CERS6: variants seen among roughly 807,000 people sequenced by gnomAD.
The protein encoded by CERS6 is ceramide synthase 6, also known as LAG1 homolog, ceramide synthase 6.
CERS6 carries 26 observed loss-of-function variants against 56.8 expected under a neutral mutation model. The observed-to-expected ratio is 0.46, with a 90% confidence interval of 0.34 to 0.63. CERS6 has a LOEUF of 0.63. CERS6 is among the 30% of genes least tolerant of loss of function. The pLI is 0.01. For missense variants in CERS6, 415 were observed against 467.5 expected, an observed-to-expected ratio of 0.89 and a Z score of 1.04; for synonymous variants, 164 against 173.3, an observed-to-expected ratio of 0.95 and a Z score of 0.42.
At chr2:168,518,081 G>C (rs184652833) in intron 1 of CERS6, among the ~76,000 whole-genome samples, 3 of 152,324 alleles carry the variant, frequency 2.0e-5, no homozygotes, top group African/African-American at 7.2e-5. Context: ...TCATAATTTA[G>C]TCATTGTTGT....
chr2:168,682,462 C>T (rs908947841), intron 4 of CERS6, among the ~76,000 whole-genome samples: 5 of 152,040 alleles, frequency 3.3e-5, no homozygotes, highest in Admixed American at 6.6e-5. Flanking sequence ...TTCTTGTAAC[C>T]GGATCTTAAC....
intron 1 of CERS6, among the ~76,000 whole-genome samples, chr2:168,501,150 CT>C (rs1012900831): frequency 6.6e-6 from 1 of 152,156 alleles, no homozygotes; most frequent in African/African-American, 2.4e-5. Flanking sequence ...TCGTTGTTGC[CT>C]TTTCTTTGAG....
At chr2:168,743,560 A>T (rs1254073659) in intron 8 of CERS6, among the ~76,000 whole-genome samples, 1 of 152,224 alleles carries the variant, frequency 6.6e-6, no homozygotes, top group Non-Finnish European at 1.5e-5. Flanking sequence ...TCAAAAAAAT[A>T]AAAAAGAGTT....
chr2:168,646,774 C>G (rs891698491), intron 4 of CERS6, among the ~76,000 whole-genome samples: 5 of 152,170 alleles, frequency 3.3e-5, no homozygotes, highest in African/African-American at 1.2e-4. Context: ...CCAGTTATCT[C>G]AGCACCATTT....
intron 1 of CERS6, among the ~76,000 whole-genome samples, chr2:168,507,053 T>C (rs1455045150): frequency 3.3e-5 from 5 of 152,092 alleles, no homozygotes; most frequent in African/African-American, 9.7e-5. Context: ...TGTGTGTGTA[T>C]GCATGTGTGT....
chr2:168,551,353 A>G (rs962728015), intron 2 of CERS6, among the ~76,000 whole-genome samples: 1 of 152,008 alleles, frequency 6.6e-6, no homozygotes, highest in African/African-American at 2.4e-5. Flanking sequence ...AACTACTCCT[A>G]TTGTAAATGT....
At chr2:168,740,970 T>C (rs1183457519) in intron 8 of CERS6, among the ~76,000 whole-genome samples, 2 of 152,004 alleles carry the variant, frequency 1.3e-5, no homozygotes, top group African/African-American at 4.8e-5. Flanking sequence ...TGTAGCCACA[T>C]TGGTTATGGA....
chr2:168,460,193 T>C (rs1558957578), intron 1 of CERS6, among the ~76,000 whole-genome samples: 1 of 152,082 alleles, frequency 6.6e-6, no homozygotes, highest in Non-Finnish European at 1.5e-5. Flanking sequence ...ATGTCTTTTT[T>C]TTTTCTTTTC....
chr2:168,772,413 T>G lies in CERS6; in HGVS notation c.*2751T>G, dbSNP rs1404680797. On this transcript the variant is annotated 3_prime_UTR_variant, in exon 10 of 10. Transcript: ENST00000305747. ...AATGATATAAAAACATGTGTTCTATTTATGTATATATATGTATGTTTCTCC... is the reference window on the plus strand; with the variant it reads ...AATGATATAAAAACATGTGTTCTATGTATGTATATATATGTATGTTTCTCC... 1.3e-5 allele frequency: 2 copies of G among 152,622 alleles called. No homozygotes were observed. The highest frequency in any genetic ancestry group is 2.9e-5 in the Non-Finnish European group (2 of 68,038). 9.5% of individuals were successfully genotyped at this position (152,622 alleles called of 1,614,324 possible). A position where few individuals can be genotyped will look rare whatever the true frequency, so the allele number is the denominator to read the frequency against.
At chr2:168,708,290 A>G (rs1278855565) in intron 6 of CERS6, among the ~76,000 whole-genome samples, 2 of 152,176 alleles carry the variant, frequency 1.3e-5, no homozygotes, top group African/African-American at 4.8e-5. Context: ...TTACATGCTT[A>G]AAGTCCACTT....
intron 8 of CERS6, among the ~76,000 whole-genome samples, chr2:168,731,903 C>A (rs182265753): frequency 1.3e-5 from 2 of 152,276 alleles, no homozygotes; most frequent in East Asian, 3.9e-4. Context: ...TAGAACACTG[C>A]ATTATGTTAG....
chr2:168,490,560 G>A (rs988185704), intron 1 of CERS6, among the ~76,000 whole-genome samples: 4 of 152,188 alleles, frequency 2.6e-5, no homozygotes, highest in African/African-American at 9.7e-5. Context: ...GTTGCTCTTT[G>A]TATTATTTTG....
At chr2:168,658,180 G>T (rs1222856212) in intron 4 of CERS6, among the ~76,000 whole-genome samples, 2 of 152,032 alleles carry the variant, frequency 1.3e-5, no homozygotes, top group Non-Finnish European at 2.9e-5. Context: ...GAGCTTTATC[G>T]TTAAGGATTC....
intron 3 of CERS6, 103 bp from the exon 4 acceptor site, chr2:168,630,882 G>T: frequency 1.9e-6 from 1 of 519,158 alleles, no homozygotes; most frequent in Non-Finnish European, 3.4e-6. Context: ...GAGGTAGGGG[G>T]ACAAATTTAA....
At chr2:168,762,709 GT>G (rs1187435508) in intron 8 of CERS6, among the ~76,000 whole-genome samples, 25 of 151,988 alleles carry the variant, frequency 1.6e-4, no homozygotes, top group African/African-American at 6.0e-4. Flanking sequence ...CTATCCTATT[GT>G]TTTTAGAATT....
chr2:168,708,694 C>A, intron 6 of CERS6, among the ~76,000 whole-genome samples: 1 of 152,180 alleles, frequency 6.6e-6, no homozygotes, highest in African/African-American at 2.4e-5. Flanking sequence ...GGGAGAAGAG[C>A]CTTTTTTCTT....
intron 4 of CERS6, among the ~76,000 whole-genome samples, chr2:168,677,318 CT>C (rs1686090071): frequency 6.6e-6 from 1 of 152,022 alleles, no homozygotes; most frequent in Non-Finnish European, 1.5e-5. Flanking sequence ...TGGTTTCCAG[CT>C]TCATCCATGT....
chr2:168,690,012 C>A (rs1210005943), intron 4 of CERS6, among the ~76,000 whole-genome samples: 1 of 152,018 alleles, frequency 6.6e-6, no homozygotes, highest in Admixed American at 6.6e-5. Flanking sequence ...CTCCATTTAC[C>A]TATCTATAAA....
At chr2:168,742,089 TTAAC>T (rs1683926843) in intron 8 of CERS6, among the ~76,000 whole-genome samples, 1 of 152,226 alleles carries the variant, frequency 6.6e-6, no homozygotes, top group Non-Finnish European at 1.5e-5. Context: ...ATACATTGTG[TTAAC>T]ATTTCATTGG....
Sources: allele counts gnomAD v4.1 joint callset (sites outside exome capture counted in the v4.1 genomes callset), GRCh38; gene constraint gnomAD v4.1.1; transcripts MANE v1.5; gene names NCBI Gene and HGNC (gene_info 2026-07-23, HGNC 2026-07-21).